The following ATP9A variants were observed in gnomAD, a reference collection of about 807,000 sequenced individuals.
ATP9A encodes probable phospholipid-transporting ATPase IIA.
In ATP9A, 52 loss-of-function variants were observed where a neutral mutation model predicts 144.1. The observed-to-expected ratio is 0.36, with a 90% CI of 0.29 to 0.45. ATP9A has a LOEUF of 0.45. ATP9A is among the 20% of genes least tolerant of loss of function. The pLI is 1.00. For missense variants in ATP9A, 947 were observed against 1,392.7 expected (o/e 0.68, Z 5.09); for synonymous variants, 582 against 557.4 (o/e 1.04, Z -0.62).
chr20:51,718,379 G>A (rs1193262100), intron 3 of ATP9A, among the ~76,000 whole-genome samples: 1 of 150,890 alleles, frequency 6.6e-6, no homozygotes, highest in Non-Finnish European at 1.5e-5. Context: ...TGTGTGGGGG[G>A]GGGTTGTTTG....
chr20:51,650,210 A>G (rs6123062), intron 14 of ATP9A, among the ~76,000 whole-genome samples: 68,370 of 152,086 alleles, frequency 0.45, 16,853 homozygotes, highest in East Asian at 0.8. Context: ...AGCTGCATCT[A>G]TAATTTACAG....
Position 51,664,597 on chromosome 20 carries a change from T to A in ATP9A, c.1293+5400A>T, listed in dbSNP as rs574910797. Among the ~76,000 whole-genome samples the A allele has an allele frequency of 1.3e-4, 19 of 151,844 alleles. No individual in the cohort carries two copies. The East Asian group carries it at 3.3e-3, about 26-fold the overall frequency. ...AGTATAAGACTCTGTCTCAAAAAAA[T>A]AAAAATAAAAATAAATAAGAAAACA... On this transcript the variant is annotated intron_variant, in intron 13 of 27. Transcript: ENST00000338821.
intron 1 of ATP9A, among the ~76,000 whole-genome samples, chr20:51,743,376 G>A (rs1231368416): frequency 6.9e-6 from 1 of 145,204 alleles, no homozygotes; most frequent in Non-Finnish European, 1.5e-5. Flanking sequence ...CTGGGGAGAT[G>A]GGCTGCAAGA....
At position 51,680,184 on chromosome 20, in the gene ATP9A, C is replaced by T. The variant is rs533646301; in HGVS notation, c.800-3976G>A. Among the ~76,000 whole-genome samples the T allele has an allele frequency of 4.8e-5, 7 of 146,068 alleles. No homozygotes were observed. The South Asian group carries it at 1.5e-3, about 31-fold the overall frequency. Reference sequence around the variant, plus strand: ...GGTGGAGGTTGCAGTGAGCCAAGATCGCACCACTGCACGCCAGCCTGAGCG... The same window carrying T: ...GGTGGAGGTTGCAGTGAGCCAAGATTGCACCACTGCACGCCAGCCTGAGCG... On this transcript the variant is annotated intron_variant, in intron 9 of 27. Transcript: ENST00000338821.
chr20:51,688,947 G>T (rs1357220767), intron 9 of ATP9A, 117 bp downstream of exon 9: 7 of 1,139,160 alleles, frequency 6.1e-6, no homozygotes, highest in Middle Eastern at 2.1e-4. Flanking sequence ...CGGAACAAGT[G>T]GAAAATGCCA....
At chr20:51,753,187 T>C (rs983203674) in intron 1 of ATP9A, among the ~76,000 whole-genome samples, 3 of 152,118 alleles carry the variant, frequency 2.0e-5, no homozygotes, top group Admixed American at 2.0e-4. Context: ...CTTGTGAGAC[T>C]ATAAGGCACT....
At chr20:51,700,488 C>T (rs569634157) in intron 4 of ATP9A, among the ~76,000 whole-genome samples, 13 of 152,222 alleles carry the variant, frequency 8.5e-5, no homozygotes, top group African/African-American at 2.6e-4. Context: ...TGCCACTGCA[C>T]GGCAGCCTGG....
chr20:51,734,032 A>G (rs977249444), intron 1 of ATP9A, among the ~76,000 whole-genome samples: 1 of 152,004 alleles, frequency 6.6e-6, no homozygotes, highest in Non-Finnish European at 1.5e-5. Context: ...GATGGAGTGT[A>G]GTGGCATGAT....
chr20:51,601,310 T>C lies in ATP9A; in HGVS notation c.3045A>G (p.Lys1015=), dbSNP rs1202465343. ...YFIATLSFLW[K]VSVITLVSCL... ...AGCTGACCAGAGTGATGACGGAGAC[T>C]TTCCACAAGAATGACAAGGTGGCGA... Residue 1015 remains lysine, a synonymous_variant, in exon 28 of 28, where the codon AAA becomes AAG. Coordinates refer to ENST00000338821, the MANE Select transcript of ATP9A (RefSeq NM_006045.3). 1.2e-6 allele frequency: 2 copies of C among 1,613,332 alleles called. No homozygotes were observed. Among genetic ancestry groups the C allele is most frequent in the Non-Finnish European group, 1.7e-6 (2 of 1,179,758 alleles).
chr20:51,704,882 T>G (rs2122839348), intron 4 of ATP9A, among the ~76,000 whole-genome samples: 1 of 152,362 alleles, frequency 6.6e-6, no homozygotes. Context: ...CACTTGTACC[T>G]GCTGATGCTC....
intron 1 of ATP9A, among the ~76,000 whole-genome samples, chr20:51,730,972 C>A (rs1346056197): frequency 1.3e-5 from 2 of 152,062 alleles, no homozygotes; most frequent in African/African-American, 4.8e-5. Context: ...AGATTGACAC[C>A]AGCCTGGGCA....
chr20:51,702,135 T>TA (rs1385813678), intron 4 of ATP9A, among the ~76,000 whole-genome samples: 26 of 151,798 alleles, frequency 1.7e-4, no homozygotes, highest in Non-Finnish European at 7.4e-5. Context: ...CTGTCTCCAC[T>TA]AAAAATATAT....
At chr20:51,638,088 T>TCTC in intron 15 of ATP9A, among the ~76,000 whole-genome samples, 1 of 37,010 alleles carries the variant, frequency 2.7e-5, no homozygotes, top group Non-Finnish European at 5.5e-5. Flanking sequence ...TATATATATA[T>TCTC]ATATATATAT....
At chr20:51,730,024 G>C in intron 1 of ATP9A, 46 bp from the exon 2 acceptor site, 2 of 1,452,698 alleles carry the variant, frequency 1.4e-6, no homozygotes, top group Non-Finnish European at 1.8e-6. Context: ...CACGCATCGA[G>C]GCTGTGCTCA....
chr20:51,730,299 T>C (rs8125321), intron 1 of ATP9A, among the ~76,000 whole-genome samples: 10,253 of 152,112 alleles, frequency 0.067, 785 homozygotes, highest in African/African-American at 0.19. Context: ...AAATCTCGTC[T>C]GTACTAAAAA....
In ATP9A at chr20:51,597,343, T is replaced by A. The variant is rs1204416723; in HGVS notation, c.*3868A>T. On this transcript the variant is annotated 3_prime_UTR_variant, in exon 28 of 28. Transcript: ENST00000338821. ...ACTGGACATAATTCATGGGAATATT[T>A]TAAGTATATATAAGTGGCAAAAAAG... 1 of 152,184 alleles carries A rather than the reference T, an allele frequency of 6.6e-6. No individual in the cohort carries two copies. Among genetic ancestry groups the A allele is most frequent in the East Asian group, 1.9e-4 (1 of 5,192 alleles). The allele number at this position is 152,184 out of a possible 1,614,324, so 9.4% of individuals were successfully genotyped here. A position where few individuals can be genotyped will look rare whatever the true frequency, so the allele number is the denominator to read the frequency against.
intron 23 of ATP9A, among the ~76,000 whole-genome samples, chr20:51,612,821 T>TA (rs2077189711): frequency 6.6e-6 from 1 of 152,196 alleles, no homozygotes; most frequent in Non-Finnish European, 1.5e-5. Flanking sequence ...AACAAGATGT[T>TA]AACTTCCAAG....
rs775409053 is a variant in ATP9A, at chr20:51,639,348, C to A, written c.1663G>T (p.Val555Leu). 6.2e-7 allele frequency: 1 copy of A among 1,611,478 alleles called. No individual in the cohort carries two copies. Among genetic ancestry groups the A allele is most frequent in the African/African-American group, 1.3e-5 (1 of 74,798 alleles). Residue 555 changes from valine to leucine, a missense_variant, in exon 15 of 28, where the codon GTG (valine) becomes TTG (leucine). By Grantham distance (32) the Val-to-Leu change is conservative (BLOSUM62 1). Transcript: ENST00000338821. ...CATGAATAAAAACGACTCACCCGCA[C>A]GATGATGCCCATACGTTTGCTTTCA... The part of the protein sequence containing the change: ...TYESKRMGII[V>L]RDESTGEITF...
intron 17 of ATP9A, among the ~76,000 whole-genome samples, chr20:51,626,123 C>T (rs553379458): frequency 6.6e-6 from 1 of 152,320 alleles, no homozygotes; most frequent in Admixed American, 6.5e-5. Flanking sequence ...TCAGGGAACA[C>T]ACAATCTATG....
Sources: allele counts gnomAD v4.1 joint callset (sites outside exome capture counted in the v4.1 genomes callset), GRCh38; gene constraint gnomAD v4.1.1; transcripts MANE v1.5; gene names NCBI Gene and HGNC (gene_info 2026-07-23, HGNC 2026-07-21).